The following KIF26B variants were observed in gnomAD, a reference collection of about 807,000 sequenced individuals.
KIF26B encodes kinesin-like protein KIF26B.
In KIF26B, 63 loss-of-function variants were observed where a neutral mutation model predicts 151.2. The ratio of observed to expected loss-of-function variants is 0.42; its 90% CI spans 0.34 to 0.51. The LOEUF is 0.51. Ranked by LOEUF, KIF26B falls within the 20% of genes least tolerant of loss-of-function variation. The pLI is 0.07. For synonymous variants in KIF26B, 1,357 were observed against 1,262.1 expected (o/e 1.08, Z -1.59); for missense variants, 2,813 against 2,913.6 (o/e 0.97, Z 0.79).
chr1:245,191,702 A>G (rs1035590576), intron 2 of KIF26B, among the ~76,000 whole-genome samples: 5 of 152,242 alleles, frequency 3.3e-5, no homozygotes, highest in African/African-American at 7.2e-5. Context: ...ACAACGAAGC[A>G]TGAATATCTT....
At chr1:245,235,766 T>C (rs943400154) in intron 2 of KIF26B, among the ~76,000 whole-genome samples, 3 of 152,074 alleles carry the variant, frequency 2.0e-5, no homozygotes, top group African/African-American at 7.2e-5. Context: ...CCTGAAATAA[T>C]AGTCAGTGTG....
rs867423366 is a variant in KIF26B, at chr1:245,424,054, C to T, written c.1166+4309C>T. ...TGAGTCTCCCTATGTTTGTTGCGCA[C>T]GCTGGTCTTGAACACCTAGGCTCAA... On this transcript the variant is annotated intron_variant, in intron 4 of 14. Coordinates refer to ENST00000407071, the MANE Select transcript of KIF26B (RefSeq NM_018012.4). 7.9e-5 allele frequency among the ~76,000 whole-genome samples: 12 copies of T among 152,174 alleles called. No homozygotes were observed. The Middle Eastern group carries it at 0.014, about 173-fold the overall frequency.
intron 2 of KIF26B, among the ~76,000 whole-genome samples, chr1:245,365,041 G>A (rs375648325): frequency 6.6e-6 from 1 of 152,214 alleles, no homozygotes; most frequent in African/African-American, 2.4e-5. Flanking sequence ...TCATGAACTG[G>A]TGGTCAAGAA....
rs1460739736 is a variant in KIF26B, at chr1:245,239,213, A to T, written c.465+82530A>T. Among the ~76,000 whole-genome samples, 1 of 152,196 alleles carries T rather than the reference A, an allele frequency of 6.6e-6. No individual in the cohort carries two copies. The highest frequency in any genetic ancestry group is 6.5e-5 in the Admixed American group (1 of 15,278). On this transcript the variant is annotated intron_variant, in intron 2 of 14. Transcript: ENST00000407071. This position sits in a 1 kb window ranked among gnomAD's most constrained non-coding sequence, Gnocchi z 4.3. The stretch of plus-strand genomic sequence containing the variant: ...AACGCGTCCTCCAGAGAATGCCTCC[A>T]TGTTCTTCCGTCATCCGTGCAGATA...
intron 12 of KIF26B, among the ~76,000 whole-genome samples, chr1:245,689,309 G>A (rs1328853402): frequency 2.6e-5 from 4 of 152,180 alleles, no homozygotes; most frequent in Non-Finnish European, 2.9e-5. Context: ...CTACCCTCAT[G>A]ACCTGGTGGC....
chr1:245,439,987 C>T (rs1169871248), intron 4 of KIF26B, among the ~76,000 whole-genome samples: 2 of 152,124 alleles, frequency 1.3e-5, no homozygotes, highest in South Asian at 4.1e-4. Flanking sequence ...TTGGGGAGGC[C>T]GAGGCGGGCA....
chr1:245,313,636 T>C (rs969138032), intron 2 of KIF26B, among the ~76,000 whole-genome samples: 4 of 152,212 alleles, frequency 2.6e-5, no homozygotes, highest in Admixed American at 6.5e-5. Context: ...CCTTTAACCA[T>C]GTCCCTGTCA....
chr1:245,190,327 T>G (rs1386915471), intron 2 of KIF26B, among the ~76,000 whole-genome samples: 1 of 152,188 alleles, frequency 6.6e-6, no homozygotes, highest in Admixed American at 6.5e-5. Flanking sequence ...TCAGGACTTC[T>G]TCCTTCTTTT....
chr1:245,435,080 CAT>C, intron 4 of KIF26B, among the ~76,000 whole-genome samples: 2 of 149,820 alleles, frequency 1.3e-5, no homozygotes, highest in Non-Finnish European at 3.0e-5. Context: ...TCCATCCATC[CAT>C]CCATCCATCC....
At chr1:245,463,968 G>A (rs1204547171) in intron 4 of KIF26B, among the ~76,000 whole-genome samples, 5 of 151,986 alleles carry the variant, frequency 3.3e-5, no homozygotes, top group Non-Finnish European at 7.4e-5. Context: ...TTTTATTGCC[G>A]CTTTGCCACA....
chr1:245,390,920 T>A (rs1673669664), intron 3 of KIF26B, among the ~76,000 whole-genome samples: 1 of 13,848 alleles, frequency 7.2e-5, no homozygotes, highest in Non-Finnish European at 9.8e-5. Context: ...AGACCCTGTC[T>A]CAAAAAAAAA....
At chr1:245,553,141 C>A (rs909434432) in intron 5 of KIF26B, among the ~76,000 whole-genome samples, 2 of 152,192 alleles carry the variant, frequency 1.3e-5, no homozygotes, top group African/African-American at 4.8e-5. Context: ...TCAGAAGGCT[C>A]CATCCTCATG....
chr1:245,333,881 C>A (rs958475844), intron 2 of KIF26B, among the ~76,000 whole-genome samples: 1 of 152,050 alleles, frequency 6.6e-6, no homozygotes, highest in Non-Finnish European at 1.5e-5. Flanking sequence ...GCCTGTAATG[C>A]CAGCTACTCG....
intron 4 of KIF26B, among the ~76,000 whole-genome samples, chr1:245,482,879 C>T (rs1400213507): frequency 2.6e-5 from 4 of 151,802 alleles, no homozygotes; most frequent in Non-Finnish European, 4.4e-5. Context: ...TGAAGCCTCA[C>T]GATCTGGGAG....
rs979444334 is a variant in KIF26B, at chr1:245,373,481, C to T, written c.999+6114C>T. ...GAGCTTTATTTCATAGGATTTCACT[C>T]GATTGAACTTGTCAAGAAAATTCAG... On this transcript the variant is annotated intron_variant, in intron 3 of 14. Coordinates refer to ENST00000407071, the MANE Select transcript of KIF26B (RefSeq NM_018012.4). 7.6e-4 allele frequency among the ~76,000 whole-genome samples: 115 copies of T among 152,284 alleles called. 2 individuals are homozygous for T. Among genetic ancestry groups the T allele is most frequent in the Non-Finnish European group, 8.8e-5 (6 of 68,028 alleles).
intron 2 of KIF26B, among the ~76,000 whole-genome samples, chr1:245,287,494 CTCTCTTTTT>C (rs1236112646): frequency 8.8e-6 from 1 of 113,172 alleles, no homozygotes; most frequent in Non-Finnish European, 1.7e-5. Flanking sequence ...TCATCTCTCT[CTCTCTTTTT>C]TTTTTTTTTT....
chr1:245,188,711 G>A (rs549588080), intron 2 of KIF26B, among the ~76,000 whole-genome samples: 5 of 152,236 alleles, frequency 3.3e-5, no homozygotes, highest in East Asian at 3.9e-4. Context: ...TCCACTTCTG[G>A]TATAAACCCA....
chr1:245,432,713 T>C (rs1256169513), intron 4 of KIF26B, among the ~76,000 whole-genome samples: 2 of 152,220 alleles, frequency 1.3e-5, no homozygotes, highest in Non-Finnish European at 2.9e-5. Context: ...TTATGTGGTG[T>C]TGGGTAGAGG....
chr1:245,521,889 G>A (rs1418438753), intron 4 of KIF26B, among the ~76,000 whole-genome samples: 8 of 150,028 alleles, frequency 5.3e-5, no homozygotes, highest in Non-Finnish European at 1.2e-4. Context: ...GTTTTGAGAT[G>A]GAGTCTTGCT....
Sources: allele counts gnomAD v4.1 joint callset (sites outside exome capture counted in the v4.1 genomes callset), GRCh38; gene constraint gnomAD v4.1.1; non-coding constraint Gnocchi (gnomAD v3.1); transcripts MANE v1.5; gene names NCBI Gene and HGNC (gene_info 2026-07-23, HGNC 2026-07-21).